Variants in KPNA4 observed in about 807,000 individuals in gnomAD.
The protein encoded by KPNA4 is importin subunit alpha-3.
A neutral mutation model predicts 71.3 loss-of-function variants in KPNA4; 13 were observed. The observed-to-expected ratio is 0.18, with a 90% CI of 0.12 to 0.29. The LOEUF (loss-of-function observed/expected upper bound fraction) is 0.29, where lower values mean the gene tolerates loss of function less well. KPNA4 is among the 10% of genes least tolerant of loss of function. The pLI is 1.00. For missense variants in KPNA4, 334 were observed against 603.2 expected (o/e 0.55, Z 4.67); for synonymous variants, 189 against 195.2 (o/e 0.97, Z 0.26).
At chr3:160,541,078 C>T (rs535898246) in intron 1 of KPNA4, among the ~76,000 whole-genome samples, 4 of 152,304 alleles carry the variant, frequency 2.6e-5, no homozygotes, top group Non-Finnish European at 5.9e-5. Flanking sequence ...GGACTAAACA[C>T]TTACCCTGCT....
At chr3:160,559,894 T>C (rs1337614410) in intron 1 of KPNA4, among the ~76,000 whole-genome samples, 3 of 152,152 alleles carry the variant, frequency 2.0e-5, no homozygotes, top group East Asian at 3.9e-4. Context: ...TTTTGAAAAA[T>C]GTCCTTATTT....
At chr3:160,552,919 A>G (rs1722069750) in intron 1 of KPNA4, among the ~76,000 whole-genome samples, 1 of 152,182 alleles carries the variant, frequency 6.6e-6, no homozygotes, top group African/African-American at 2.4e-5. Flanking sequence ...AGTTCTCAGT[A>G]AGGAGTATGG....
intron 13 of KPNA4, among the ~76,000 whole-genome samples, chr3:160,513,288 C>T (rs1294557035): frequency 3.6e-5 from 4 of 111,482 alleles, no homozygotes; most frequent in Non-Finnish European, 6.8e-5. Flanking sequence ...CAGGGTCTTG[C>T]TCTGTCACTC....
At chr3:160,540,544 C>A (rs988013171) in intron 1 of KPNA4, among the ~76,000 whole-genome samples, 4 of 152,174 alleles carry the variant, frequency 2.6e-5, no homozygotes, top group African/African-American at 9.7e-5. Flanking sequence ...TAGAAAGACA[C>A]CCTATGCACC....
intron 11 of KPNA4, 44 bp from the exon 12 acceptor site, chr3:160,515,624 T>A: frequency 6.2e-7 from 1 of 1,600,318 alleles, no homozygotes; most frequent in Non-Finnish European, 8.5e-7. Context: ...AATCCTTTTT[T>A]TTTTTTTTGA....
At chr3:160,524,542 T>C (rs1560048667) in intron 10 of KPNA4, among the ~76,000 whole-genome samples, 1 of 151,872 alleles carries the variant, frequency 6.6e-6, no homozygotes, top group African/African-American at 2.4e-5. Flanking sequence ...CAGGGTTTCG[T>C]CATGTTGCCC....
At chr3:160,515,750 G>T (rs2108546448) in intron 11 of KPNA4, among the ~76,000 whole-genome samples, 170 bp from the exon 12 acceptor site, 1 of 152,060 alleles carries the variant, frequency 6.6e-6, no homozygotes, top group African/African-American at 2.4e-5. Flanking sequence ...GAGTATCTGG[G>T]ACTATAGCAG....
At chr3:160,502,803 A>C (rs1230868108) in intron 16 of KPNA4, among the ~76,000 whole-genome samples, 3 of 152,160 alleles carry the variant, frequency 2.0e-5, no homozygotes, top group Non-Finnish European at 4.4e-5. Flanking sequence ...GTCTCATTAC[A>C]ATTTCCCTTA....
At chr3:160,534,989 T>A (rs2108553550) in intron 5 of KPNA4, among the ~76,000 whole-genome samples, 1 of 152,080 alleles carries the variant, frequency 6.6e-6, no homozygotes, top group South Asian at 2.1e-4. Context: ...CCCAAAGTGC[T>A]GGGATTACAG....
chr3:160,550,926 T>C (rs1418985624), intron 1 of KPNA4, among the ~76,000 whole-genome samples: 1 of 152,206 alleles, frequency 6.6e-6, no homozygotes, highest in Non-Finnish European at 1.5e-5. Flanking sequence ...CTGTTGAGGA[T>C]TTTTGCATCC....
At position 160,499,507 on chromosome 3, in the gene KPNA4, C is replaced by G. The variant is rs982817792; in HGVS notation, c.*2597G>C. The G allele has an allele frequency of 6.6e-6, 1 of 150,906 alleles. No homozygotes were observed. Among genetic ancestry groups the G allele is most frequent in the African/African-American group, 2.4e-5 (1 of 41,092 alleles). 9.3% of individuals were successfully genotyped at this position (150,906 alleles called of 1,614,324 possible). On this transcript the variant is annotated 3_prime_UTR_variant, in exon 17 of 17. Coordinates refer to ENST00000334256, the MANE Select transcript of KPNA4 (RefSeq NM_002268.5). ...TTAAAAAAAAAAAAAAAGTGTTTAACCAGGTAACCGTGATGAACTGTCAAC... is the reference window on the plus strand; with the variant it reads ...TTAAAAAAAAAAAAAAAGTGTTTAAGCAGGTAACCGTGATGAACTGTCAAC...
intron 14 of KPNA4, among the ~76,000 whole-genome samples, chr3:160,508,695 A>T (rs897581903): frequency 1.3e-5 from 2 of 151,832 alleles, no homozygotes; most frequent in African/African-American, 4.8e-5. Flanking sequence ...TTATTTATTT[A>T]ATATATAGAG....
At chr3:160,518,919 C>T (rs1449132946) in intron 11 of KPNA4, among the ~76,000 whole-genome samples, 5 of 152,100 alleles carry the variant, frequency 3.3e-5, no homozygotes, top group East Asian at 3.9e-4. Context: ...TTTCTGAACT[C>T]GATTCTATCT....
chr3:160,524,626 A>G (rs1721425026), intron 10 of KPNA4, among the ~76,000 whole-genome samples: 1 of 152,154 alleles, frequency 6.6e-6, no homozygotes, highest in African/African-American at 2.4e-5. Flanking sequence ...CAATAGGCAT[A>G]AGCCACCACA....
At chr3:160,524,961 TA>T (rs2108549950) in intron 10 of KPNA4, among the ~76,000 whole-genome samples, 1 of 152,340 alleles carries the variant, frequency 6.6e-6, no homozygotes, top group South Asian at 2.1e-4. Context: ...AAACTGTTTT[TA>T]AAGAACCACA....
chr3:160,500,823 C>A lies in KPNA4; in HGVS notation c.*1281G>T, dbSNP rs997228321. 6.6e-6 allele frequency: 1 copy of A among 152,570 alleles called. No individual in the cohort carries two copies. Among genetic ancestry groups the A allele is most frequent in the South Asian group, 2.1e-4 (1 of 4,826 alleles). The allele number at this position is 152,570 out of a possible 1,614,324, so 9.5% of individuals were successfully genotyped here. A position where few individuals can be genotyped will look rare whatever the true frequency, so the allele number is the denominator to read the frequency against. ...GTCTTTATTCAGCAGTACATATGCA[C>A]CAAATTCCATTTTAGAAGTTTCCAT... On this transcript the variant is annotated 3_prime_UTR_variant, in exon 17 of 17. Transcript: ENST00000334256.
chr3:160,520,776 C>A lies in KPNA4; in HGVS notation c.903+1003G>T, dbSNP rs76857884. ...CACACAGTTTATTTTGATGTTCAGG[C>A]ATAATGACTTAGGCTACAGACTAAC... On this transcript the variant is annotated intron_variant, in intron 11 of 16. Transcript: ENST00000334256. Among the ~76,000 whole-genome samples, 1,262 of 152,266 alleles carry A rather than the reference C, an allele frequency of 8.3e-3. 26 individuals are homozygous for A. The highest frequency in any genetic ancestry group is 0.028 in the African/African-American group (1,173 of 41,550).
At chr3:160,531,627 T>C (rs931385066) in intron 5 of KPNA4, 70 bp from the exon 6 acceptor site, 1 of 755,674 alleles carries the variant, frequency 1.3e-6, no homozygotes, top group South Asian at 3.0e-5. Context: ...TAAATTCATA[T>C]TTGACAAATA....
chr3:160,514,179 T>C lies in KPNA4; in HGVS notation c.1035A>G (p.Glu345=), dbSNP rs1304694767. Residue 345 remains glutamate, a splice_region_variant and synonymous_variant, in exon 13 of 17, where the codon GAA becomes GAG. Coordinates refer to ENST00000334256, the MANE Select transcript of KPNA4 (RefSeq NM_002268.5). ...LTHPKEKINK[E]AVWFLSNITA... ...TGATGTTGGAGAGGAACCACACTGC[T>C]TCCTGTAGAACAAGAGCATTTGAAT... 1.0e-5 allele frequency: 16 copies of C among 1,588,458 alleles called. No individual in the cohort carries two copies. The highest frequency in any genetic ancestry group is 2.3e-5 in the East Asian group (1 of 43,952).
Sources: gnomAD v4.1 joint callset for allele counts (sites outside exome capture counted in the v4.1 genomes callset) on GRCh38, gnomAD v4.1.1 for gene constraint, MANE v1.5 for transcripts, NCBI Gene and HGNC (gene_info 2026-07-23, HGNC 2026-07-21) for gene names.